Variants in GIPR observed in about 807,000 individuals in gnomAD.
GIPR encodes the protein gastric inhibitory polypeptide receptor, also known as GIP-R.
GIPR carries 74 observed loss-of-function variants against 62.2 expected under a neutral mutation model. That is an observed-to-expected ratio of 1.19 (90% confidence interval 0.99 to 1.44). GIPR has a LOEUF of 1.44. GIPR is among the 40% of genes most tolerant of loss of function. The pLI, the probability that GIPR is intolerant of heterozygous loss-of-function variation, is 0.00. For synonymous variants in GIPR, 256 were observed against 262.2 expected (o/e 0.98, Z 0.23); for missense variants, 664 against 611.8 (o/e 1.09, Z -0.90).
rs762568674 is a variant in GIPR at position 45,674,083 on chromosome 19, C to T, written c.394C>T (p.Leu132Phe). ...EKNEAFLDQR[L>F]ILERLQVMYT... ...TTCTTGCCCCGACCAGGACCAAAGG[C>T]TCATCTTGGAGCGGTTGCAGGTCAT... Residue 132 changes from leucine to phenylalanine, a missense_variant, in exon 6 of 14, where the codon CTC (leucine) becomes TTC (phenylalanine). Transcript: ENST00000590918. 6.2e-7 allele frequency: 1 copy of T among 1,608,638 alleles called. No homozygotes were observed. The highest frequency in any genetic ancestry group is 1.1e-5 in the South Asian group (1 of 90,942).
intron 4 of GIPR, 71 bp downstream of exon 4, chr19:45,671,463 ACATCCGAGT>A: frequency 1.1e-6 from 1 of 926,180 alleles, no homozygotes; most frequent in South Asian, 1.3e-5. Flanking sequence ...CCAGACACCT[ACATCCGAGT>A]CCCACAGCTC....
intron 4 of GIPR, 58 bp from the exon 5 acceptor site, chr19:45,672,793 C>G: frequency 2.0e-6 from 2 of 1,012,504 alleles, no homozygotes; most frequent in Non-Finnish European, 3.1e-6. Flanking sequence ...CACAGTTTGT[C>G]TTTCTGTATT....
At position 45,676,987 on chromosome 19, in the gene GIPR, G is replaced by A. The variant is rs758853827; in HGVS notation, c.672G>A (p.Gln224=). The A allele has an allele frequency of 1.9e-6, 3 of 1,614,082 alleles. No homozygotes were observed. The East Asian group carries it at 6.7e-5, about 36-fold the overall frequency. The stretch of plus-strand genomic sequence containing the variant: ...GCCGCACGGCCCAGATCGTGACCCA[G>A]TACTGCGTGGGTGCCAACTACACGT... ...AACRTAQIVT[Q]YCVGANYTWL... is the part of the protein sequence containing the mutation. Residue 224 remains glutamine (Q), a synonymous_variant, in exon 8 of 14, where the codon CAG becomes CAA. Coordinates refer to ENST00000590918, the MANE Select transcript of GIPR (RefSeq NM_000164.4).
intron 3 of GIPR, among the ~76,000 whole-genome samples, chr19:45,670,959 G>T (rs752240389): frequency 6.6e-6 from 1 of 151,168 alleles, no homozygotes; most frequent in Non-Finnish European, 1.5e-5. Flanking sequence ...GGCCTGCACA[G>T]AAATAAACCT....
chr19:45,676,831 CAG>C (rs1213963858), intron 7 of GIPR, 116 bp from the exon 8 acceptor site: 13 of 886,316 alleles, frequency 1.5e-5, no homozygotes, highest in Middle Eastern at 2.6e-4. Flanking sequence ...ACTGGGGACA[CAG>C]AGTGGAAGAA....
At chr19:45,671,475 C>G (rs1446797518) in intron 4 of GIPR, 83 bp downstream of exon 4, 1 of 840,192 alleles carries the variant, frequency 1.2e-6, no homozygotes, top group East Asian at 2.4e-5. Context: ...ATCCGAGTCC[C>G]ACAGCTCACC....
chr19:45,673,647 C>T (rs529081786), intron 5 of GIPR, among the ~76,000 whole-genome samples: 44 of 151,786 alleles, frequency 2.9e-4, no homozygotes, highest in African/African-American at 1.0e-3. Context: ...GGGCGGATCA[C>T]GAGGTCAAGA....
At chr19:45,680,839 CAAAAAAAAAA>C (rs10561788) in intron 12 of GIPR, among the ~76,000 whole-genome samples, 1 of 111,456 alleles carries the variant, frequency 9.0e-6, no homozygotes, top group African/African-American at 3.2e-5. Context: ...TCCCTGTCTC[CAAAAAAAAAA>C]AAAAAAAAAG....
At chr19:45,674,961 CTT>C (rs778534861) in intron 7 of GIPR, 135 bp downstream of exon 7, 5 of 852,808 alleles carry the variant, frequency 5.9e-6, no homozygotes, top group Non-Finnish European at 9.8e-6. Context: ...CCAAATGTGT[CTT>C]GGGGTGGGGG....
At chr19:45,680,715 C>T (rs1245147047) in intron 12 of GIPR, among the ~76,000 whole-genome samples, 1 of 151,244 alleles carries the variant, frequency 6.6e-6, no homozygotes, top group African/African-American at 2.4e-5. Context: ...CCTGTAATCC[C>T]AGGTACTTGG....
chr19:45,679,067 A>C (rs1967100269), intron 12 of GIPR, among the ~76,000 whole-genome samples: 1 of 152,298 alleles, frequency 6.6e-6, no homozygotes, highest in East Asian at 1.9e-4. Flanking sequence ...TAAATTCAGC[A>C]AAAAATTACT....
intron 4 of GIPR, among the ~76,000 whole-genome samples, chr19:45,671,983 T>A (rs547926697): frequency 6.6e-6 from 1 of 151,498 alleles, no homozygotes; most frequent in African/African-American, 2.4e-5. Flanking sequence ...CATCTTAACC[T>A]AACTAGCTAT....
intron 1 of GIPR, among the ~76,000 whole-genome samples, chr19:45,668,760 G>T (rs1403681137): frequency 2.6e-5 from 4 of 152,222 alleles, no homozygotes; most frequent in African/African-American, 7.2e-5. Flanking sequence ...GGTGTCGGGC[G>T]TTAGACCGAT....
intron 3 of GIPR, 129 bp downstream of exon 3, chr19:45,670,863 A>G (rs550456046): frequency 9.4e-6 from 6 of 635,480 alleles, no homozygotes; most frequent in East Asian, 2.7e-5. Context: ...CCGGGGACTG[A>G]CCTGAGCATG....
chr19:45,671,194 C>G (rs1182506589), intron 3 of GIPR, 91 bp from the exon 4 acceptor site: 7 of 808,710 alleles, frequency 8.7e-6, no homozygotes, highest in Admixed American at 8.7e-5. Flanking sequence ...ACTTGGCCCA[C>G]TGCGGAGAAG....
intron 1 of GIPR, among the ~76,000 whole-genome samples, 163 bp from the exon 2 acceptor site, chr19:45,669,314 G>T (rs1331830700): frequency 1.3e-5 from 2 of 152,182 alleles, no homozygotes; most frequent in Non-Finnish European, 2.9e-5. Context: ...CCTCCCCCCA[G>T]ATCATCACGC....
chr19:45,670,764 A>T, intron 3 of GIPR, 30 bp downstream of exon 3: 42 of 1,073,692 alleles, frequency 3.9e-5, no homozygotes, highest in Non-Finnish European at 5.1e-5. Flanking sequence ...GGACGCGGGG[A>T]GGACCTGAGG....
chr19:45,678,337 T>G, intron 12 of GIPR, 111 bp downstream of exon 12: 6 of 1,191,878 alleles, frequency 5.0e-6, no homozygotes, highest in Non-Finnish European at 6.0e-6. Flanking sequence ...GGTGGGAAGA[T>G]GGGATTTAGT....
intron 1 of GIPR, among the ~76,000 whole-genome samples, chr19:45,668,971 C>T (rs1473953578): frequency 6.6e-6 from 1 of 152,164 alleles, no homozygotes; most frequent in East Asian, 1.9e-4. Flanking sequence ...TTCAAGTTCT[C>T]CACCAGGCTG....
Sources: gnomAD v4.1 joint callset for allele counts (sites outside exome capture counted in the v4.1 genomes callset) on GRCh38, gnomAD v4.1.1 for gene constraint, MANE v1.5 for transcripts, NCBI Gene and HGNC (gene_info 2026-07-23, HGNC 2026-07-21) for gene names.